PPHLN1: variants seen among roughly 807,000 people sequenced by gnomAD.
PPHLN1 encodes periphilin-1.
Under a neutral mutation model 51.3 loss-of-function variants are expected in PPHLN1, and 29 were observed. The observed-to-expected ratio is 0.57, with a 90% CI of 0.42 to 0.77. PPHLN1 has a LOEUF of 0.77. Among genes scored for constraint, PPHLN1 ranks in the 30% least tolerant of loss-of-function variants. The pLI is 0.00. For missense variants in PPHLN1, 436 were observed against 438.4 expected, an observed-to-expected ratio of 0.99 and a Z score of 0.05; for synonymous variants, 147 against 147.8, an observed-to-expected ratio of 0.99 and a Z score of 0.04.
downstream of PPHLN1, among the ~76,000 whole-genome samples, chr12:42,442,410 C>T (rs190389478): frequency 6.6e-6 from 1 of 152,076 alleles, no homozygotes; most frequent in African/African-American, 2.4e-5. Context: ...AGAAACCAAC[C>T]CTTGATCAGT....
At chr12:42,386,690 G>A (rs2077220663) in intron 6 of PPHLN1, among the ~76,000 whole-genome samples, 1 of 152,146 alleles carries the variant, frequency 6.6e-6, no homozygotes, top group Non-Finnish European at 1.5e-5. Context: ...ACAATTTAAT[G>A]AAATGTTTTT....
chr12:42,425,461 A>G (rs2081374058), intron 9 of PPHLN1, among the ~76,000 whole-genome samples: 1 of 151,100 alleles, frequency 6.6e-6, no homozygotes, highest in African/African-American at 2.4e-5. Context: ...ATCTCAGCCC[A>G]CTGCAACCTC....
chr12:42,373,866 C>T (rs974218), intron 4 of PPHLN1, among the ~76,000 whole-genome samples: 2 of 151,970 alleles, frequency 1.3e-5, no homozygotes, highest in Non-Finnish European at 2.9e-5. Flanking sequence ...TGAGGATGCA[C>T]ACTCAGCAAG....
intron 4 of PPHLN1, 199 bp downstream of exon 4, chr12:42,355,421 T>C: frequency 4.2e-6 from 2 of 481,342 alleles, no homozygotes; most frequent in South Asian, 4.8e-5. Flanking sequence ...TCTTGGCATT[T>C]TGTAACTCAT....
At chr12:42,409,671 C>T (rs1669897) in intron 9 of PPHLN1, among the ~76,000 whole-genome samples, 45,856 of 151,474 alleles carry the variant, frequency 0.3, 7,868 homozygotes, top group Non-Finnish European at 0.38. Flanking sequence ...AAACTTTCCT[C>T]CCATTGAAAA....
At chr12:42,416,612 G>A (rs942255861) in intron 9 of PPHLN1, among the ~76,000 whole-genome samples, 4 of 152,104 alleles carry the variant, frequency 2.6e-5, no homozygotes, top group African/African-American at 9.7e-5. Context: ...TTATACTTAT[G>A]AATACAGTTT....
At chr12:42,422,188 T>G (rs1168651106) in intron 9 of PPHLN1, among the ~76,000 whole-genome samples, 1 of 152,196 alleles carries the variant, frequency 6.6e-6, no homozygotes, top group Non-Finnish European at 1.5e-5. Context: ...TTTCAGAAAA[T>G]AAGTCAAACC....
At chr12:42,385,460 G>A (rs934858131) in intron 6 of PPHLN1, among the ~76,000 whole-genome samples, 2 of 152,080 alleles carry the variant, frequency 1.3e-5, no homozygotes, top group African/African-American at 2.4e-5. Flanking sequence ...GGTTGATAAC[G>A]ACTTAAATTA....
At chr12:42,360,651 C>T (rs1266181760) in intron 4 of PPHLN1, among the ~76,000 whole-genome samples, 1 of 151,524 alleles carries the variant, frequency 6.6e-6, no homozygotes, top group African/African-American at 2.4e-5. Context: ...TGTGCCACCA[C>T]CGCTGGCTAA....
At chr12:42,375,606 G>A (rs2076202620) in intron 5 of PPHLN1, among the ~76,000 whole-genome samples, 2 of 151,876 alleles carry the variant, frequency 1.3e-5, no homozygotes, top group Admixed American at 1.3e-4. Flanking sequence ...CACTGCTCCT[G>A]GCCAGCCTTG....
chr12:42,413,261 T>G (rs1319440964), intron 9 of PPHLN1, among the ~76,000 whole-genome samples: 1 of 152,204 alleles, frequency 6.6e-6, no homozygotes, highest in East Asian at 1.9e-4. Flanking sequence ...GATTTAAGTC[T>G]TTGTTCCATC....
intron 1 of PPHLN1, among the ~76,000 whole-genome samples, chr12:42,326,535 G>A (rs1390383501): frequency 6.6e-6 from 1 of 152,120 alleles, no homozygotes; most frequent in Admixed American, 6.6e-5. Context: ...AGGTGTTCAC[G>A]GTACCCAGCT....
At chr12:42,439,864 CT>C (rs796115378) in intron 9 of PPHLN1, among the ~76,000 whole-genome samples, 28 of 152,116 alleles carry the variant, frequency 1.8e-4, no homozygotes, top group African/African-American at 5.8e-4. Flanking sequence ...GACTTTTTTC[CT>C]TTTTTTCTTC....
chr12:42,383,598 G>A (rs74489588), intron 5 of PPHLN1, among the ~76,000 whole-genome samples: 425 of 152,202 alleles, frequency 2.8e-3, no homozygotes, highest in Non-Finnish European at 5.4e-3. Context: ...TAAGGGTTTG[G>A]CCAAAACAAA....
intron 2 of PPHLN1, among the ~76,000 whole-genome samples, chr12:42,341,181 C>G (rs1222844279): frequency 6.6e-6 from 1 of 151,922 alleles, no homozygotes; most frequent in Non-Finnish European, 1.5e-5. Context: ...TGGGGTTTTG[C>G]CATGTTGACC....
Position 42,372,166 on chromosome 12 carries a change from T to C in PPHLN1, c.300-2697T>C, listed in dbSNP as rs184572189. Among the ~76,000 whole-genome samples, 350 of 152,278 alleles carry C rather than the reference T, an allele frequency of 2.3e-3. 1 individual carries two copies. The highest frequency in any genetic ancestry group is 8.2e-3 in the African/African-American group (340 of 41,508). ...ACATATCTGAAAAAATGGCTAATAT[T>C]ACCACTTTATCAAAAAGGATACTTA... On this transcript the variant is annotated intron_variant, in intron 4 of 9. Transcript: ENST00000358314.
chr12:42,446,070 CGCAGCCCCCGCAGGCCCCGCAGCCCCT>C (rs776506376), downstream of PPHLN1: 4 of 1,547,078 alleles, frequency 2.6e-6, no homozygotes, highest in East Asian at 7.4e-5. Flanking sequence ...CTGCAGGCCC[CGCAGCCCCCGCAGGCCCCGCAGCCCCT>C]GCAGCCCCGG....
chr12:42,383,999 A>C (rs1368246088), intron 5 of PPHLN1, among the ~76,000 whole-genome samples: 1 of 121,738 alleles, frequency 8.2e-6, no homozygotes, highest in East Asian at 2.7e-4. Context: ...AAAAAAAAAA[A>C]AAAAAAAAAA....
chr12:42,368,912 T>G (rs752767), intron 4 of PPHLN1, among the ~76,000 whole-genome samples: 42,644 of 152,174 alleles, frequency 0.28, 7,333 homozygotes, highest in Non-Finnish European at 0.38. Flanking sequence ...AATATGAAGC[T>G]GTAGGTAGCC....
Sources: gnomAD v4.1 joint callset for allele counts (sites outside exome capture counted in the v4.1 genomes callset) on GRCh38, gnomAD v4.1.1 for gene constraint, MANE v1.5 for transcripts, NCBI Gene and HGNC (gene_info 2026-07-23, HGNC 2026-07-21) for gene names.